Variants in HS6ST3 observed in about 807,000 individuals in gnomAD.
The protein encoded by HS6ST3 is heparan-sulfate 6-O-sulfotransferase 3.
HS6ST3 carries 12 observed loss-of-function variants against 36.7 expected under a neutral mutation model. The ratio of observed to expected loss-of-function variants is 0.33; its 90% CI spans 0.21 to 0.53. HS6ST3 has a LOEUF of 0.53. HS6ST3 is among the 20% of genes least tolerant of loss of function. The pLI, the probability that HS6ST3 is intolerant of heterozygous loss-of-function variation, is 0.95. For synonymous variants in HS6ST3, 240 were observed against 257.5 expected (o/e 0.93, Z 0.65); for missense variants, 584 against 640.9 (o/e 0.91, Z 0.96).
intron 1 of HS6ST3, among the ~76,000 whole-genome samples, chr13:96,821,424 G>A (rs984207203): frequency 3.3e-5 from 5 of 152,226 alleles, no homozygotes; most frequent in Non-Finnish European, 5.9e-5. Flanking sequence ...ATTTTTACAA[G>A]ATGATGGAAG....
At chr13:96,504,557 AAAAAT>A (rs1319120369) in intron 1 of HS6ST3, among the ~76,000 whole-genome samples, 6 of 152,098 alleles carry the variant, frequency 3.9e-5, no homozygotes, top group South Asian at 2.1e-4. Context: ...GAAAATAATA[AAAAAT>A]AAAATAAAAG....
At chr13:96,433,149 A>G (rs937352218) in intron 1 of HS6ST3, among the ~76,000 whole-genome samples, 1 of 152,244 alleles carries the variant, frequency 6.6e-6, no homozygotes, top group Non-Finnish European at 1.5e-5. Context: ...GAATGATAAT[A>G]AAATTCTCGG....
chr13:96,393,855 CT>C (rs1346051817), intron 1 of HS6ST3, among the ~76,000 whole-genome samples: 1 of 152,116 alleles, frequency 6.6e-6, no homozygotes, highest in Non-Finnish European at 1.5e-5. Context: ...GGTGAGGAAA[CT>C]GAGCCATCCA....
intron 1 of HS6ST3, among the ~76,000 whole-genome samples, chr13:96,411,416 A>T (rs1180559269): frequency 6.6e-6 from 1 of 152,222 alleles, no homozygotes; most frequent in African/African-American, 2.4e-5. Context: ...AGCAAAGGAA[A>T]GATATTTACA....
chr13:96,183,349 G>A (rs1348066474), intron 1 of HS6ST3, among the ~76,000 whole-genome samples: 2 of 152,152 alleles, frequency 1.3e-5, no homozygotes, highest in African/African-American at 4.8e-5. Flanking sequence ...TTAGATGCTC[G>A]AGGTGGAAGA....
chr13:96,197,061 C>T (rs1377465815), intron 1 of HS6ST3, among the ~76,000 whole-genome samples: 1 of 152,200 alleles, frequency 6.6e-6, no homozygotes, highest in African/African-American at 2.4e-5. Flanking sequence ...TTGTCAATGA[C>T]ATGACAAGTG....
chr13:96,350,857 C>A (rs2055178290), intron 1 of HS6ST3, among the ~76,000 whole-genome samples: 1 of 152,106 alleles, frequency 6.6e-6, no homozygotes, highest in Non-Finnish European at 1.5e-5. Context: ...TCTTATTTTC[C>A]CAGGTCTCAA....
In HS6ST3 at chr13:96,090,847, G is replaced by A; in HGVS notation, c.-16G>A. 2 of 1,481,666 alleles carry A rather than the reference G, an allele frequency of 1.3e-6. No individual in the cohort carries two copies. The highest frequency in any genetic ancestry group is 1.8e-6 in the Non-Finnish European group (2 of 1,110,732). The allele number at this position is 1,481,666 out of a possible 1,614,324, so 91.8% of individuals were successfully genotyped here. On this transcript the variant is annotated 5_prime_UTR_variant, in exon 1 of 2. Coordinates refer to ENST00000376705, the MANE Select transcript of HS6ST3 (RefSeq NM_153456.4). ...GCCGCCGCCGCCGCTTCGCCTGCCGGCCTGAGAGCGGGACCATGGATGAAA... is the reference window on the plus strand; with the variant it reads ...GCCGCCGCCGCCGCTTCGCCTGCCGACCTGAGAGCGGGACCATGGATGAAA...
rs558029609 is a variant in HS6ST3 at position 96,224,461 on chromosome 13, A to G, written c.707+132892A>G. 3.3e-5 allele frequency among the ~76,000 whole-genome samples: 5 copies of G among 152,222 alleles called. No homozygotes were observed. In the South Asian group the frequency reaches 8.3e-4, roughly 25 times the overall value. On this transcript the variant is annotated intron_variant, in intron 1 of 1. Coordinates refer to ENST00000376705, the MANE Select transcript of HS6ST3 (RefSeq NM_153456.4). ...CTCAGCCTGCAGAGTAGCTGGGACC[A>G]TAGGCATGCCCCACCATGCCTGGCT...
chr13:96,738,705 A>G (rs900348689), intron 1 of HS6ST3, among the ~76,000 whole-genome samples: 10 of 152,224 alleles, frequency 6.6e-5, no homozygotes, highest in African/African-American at 2.2e-4. Flanking sequence ...GTAGCAATGT[A>G]TCATATGTGC....
intron 1 of HS6ST3, among the ~76,000 whole-genome samples, chr13:96,634,890 T>TGTTGGACTTGTTG (rs58997196): frequency 0.85 from 129,038 of 151,948 alleles, 55,035 homozygotes; most frequent in South Asian, 0.91. Context: ...TTTGAGTCAT[T>TGTTGGACTTGTTG]AGGTTTAATC....
intron 1 of HS6ST3, among the ~76,000 whole-genome samples, chr13:96,779,078 C>A (rs1237847246): frequency 6.6e-6 from 1 of 151,960 alleles, no homozygotes; most frequent in African/African-American, 2.4e-5. Context: ...AAAAGAAAAC[C>A]AAACACTGCA....
rs199704646 is a variant in HS6ST3, at chr13:96,538,147, TC to T, written c.708-294341del. Among the ~76,000 whole-genome samples, 124 of 152,332 alleles carry T rather than the reference TC, an allele frequency of 8.1e-4. 1 individual carries two copies. The highest frequency in any genetic ancestry group is 2.8e-3 in the African/African-American group (117 of 41,578). On this transcript the variant is annotated intron_variant, in intron 1 of 1. Transcript: ENST00000376705. ...ACGAATTAGAGCCTGAGGTCCCCTG[TC>T]CAGCATATTAGCAAAGCATTTTAAA...
At chr13:96,553,523 G>A (rs533403490) in intron 1 of HS6ST3, among the ~76,000 whole-genome samples, 1 of 152,302 alleles carries the variant, frequency 6.6e-6, no homozygotes, top group Admixed American at 6.5e-5. Context: ...TTGAACCTTG[G>A]AGATTGACTT....
At chr13:96,330,677 C>T (rs1256551961) in intron 1 of HS6ST3, among the ~76,000 whole-genome samples, 6 of 147,862 alleles carry the variant, frequency 4.1e-5, no homozygotes, top group East Asian at 2.0e-4. Context: ...TTGCTCTTCT[C>T]GAGGAGTATC....
chr13:96,341,542 A>G (rs2055130201), intron 1 of HS6ST3, among the ~76,000 whole-genome samples: 1 of 152,144 alleles, frequency 6.6e-6, no homozygotes, highest in Non-Finnish European at 1.5e-5. Flanking sequence ...TCAAACTAGA[A>G]TATTCTCACC....
intron 1 of HS6ST3, among the ~76,000 whole-genome samples, chr13:96,419,925 C>A (rs374476344): frequency 7.2e-5 from 11 of 152,146 alleles, no homozygotes; most frequent in African/African-American, 2.7e-4. Context: ...ACTCTATTTC[C>A]AAATAAGGCC....
intron 1 of HS6ST3, among the ~76,000 whole-genome samples, chr13:96,092,335 G>C (rs563117075): frequency 1.2e-4 from 18 of 152,246 alleles, no homozygotes; most frequent in East Asian, 5.8e-4. Context: ...AACATCCCTT[G>C]TTTTCAGGAT....
chr13:96,656,005 A>G (rs1376664511), intron 1 of HS6ST3, among the ~76,000 whole-genome samples: 1 of 152,160 alleles, frequency 6.6e-6, no homozygotes, highest in Non-Finnish European at 1.5e-5. Context: ...TGTGCTTGAC[A>G]AGAGGAAATT....
Sources: allele counts gnomAD v4.1 joint callset (sites outside exome capture counted in the v4.1 genomes callset), GRCh38; gene constraint gnomAD v4.1.1; transcripts MANE v1.5; gene names NCBI Gene and HGNC (gene_info 2026-07-23, HGNC 2026-07-21).